Variants in SPMAP2L observed in about 807,000 individuals in gnomAD.
The protein encoded by SPMAP2L is sperm microtubule associated protein 2 like.
chr4:56,570,462 G>A, the SPMAP2L span, among the ~76,000 whole-genome samples: 5 of 152,196 alleles, frequency 3.3e-5, no homozygotes, highest in Admixed American at 3.3e-4. Context: ...TGTGCAGCGT[G>A]TTACAGAATA....
At chr4:56,548,093 A>T in the SPMAP2L span, among the ~76,000 whole-genome samples, 1 of 152,204 alleles carries the variant, frequency 6.6e-6, no homozygotes, top group African/African-American at 2.4e-5. Flanking sequence ...GACTTTTACC[A>T]GCAATGCACA....
At chr4:56,622,367 T>A in the SPMAP2L span, among the ~76,000 whole-genome samples, 10 of 152,214 alleles carry the variant, frequency 6.6e-5, no homozygotes, top group Non-Finnish European at 1.2e-4. Context: ...CTCGCACCCA[T>A]TGCCAAAATA....
the SPMAP2L span, chr4:56,601,110 G>T: frequency 6.5e-7 from 1 of 1,532,522 alleles, no homozygotes; most frequent in Non-Finnish European, 8.7e-7. Flanking sequence ...CAAATAAGAG[G>T]TATGTCAATT....
chr4:56,562,367 G>A, the SPMAP2L span, among the ~76,000 whole-genome samples: 3 of 150,288 alleles, frequency 2.0e-5, no homozygotes, highest in African/African-American at 7.3e-5. Flanking sequence ...AAAAAAAAAA[G>A]CAAAAGGAAT....
At chr4:56,603,144 G>T in the SPMAP2L span, 2 of 1,183,368 alleles carry the variant, frequency 1.7e-6, no homozygotes, top group Non-Finnish European at 2.4e-6. Flanking sequence ...GTGGATGCTT[G>T]AGAAACATTA....
chr4:56,551,675 C>T, the SPMAP2L span, among the ~76,000 whole-genome samples: 1 of 152,296 alleles, frequency 6.6e-6, no homozygotes, highest in South Asian at 2.1e-4. Context: ...CAAGGCCATA[C>T]ACAGTTGTAA....
At chr4:56,566,562 A>C in the SPMAP2L span, among the ~76,000 whole-genome samples, 1 of 151,980 alleles carries the variant, frequency 6.6e-6, no homozygotes, top group African/African-American at 2.4e-5. Flanking sequence ...TGGCCTATTC[A>C]CTATAACTTT....
the SPMAP2L span, among the ~76,000 whole-genome samples, chr4:56,574,396 G>A: frequency 6.6e-6 from 1 of 151,856 alleles, no homozygotes. Context: ...TTCAGCCTGG[G>A]CAATAGAGCA....
the SPMAP2L span, among the ~76,000 whole-genome samples, chr4:56,584,967 T>C: frequency 6.6e-6 from 1 of 152,176 alleles, no homozygotes; most frequent in Non-Finnish European, 1.5e-5. Context: ...GGAATATGTC[T>C]ATGATAGGGG....
At chr4:56,599,189 T>A in the SPMAP2L span, among the ~76,000 whole-genome samples, 1 of 151,916 alleles carries the variant, frequency 6.6e-6, no homozygotes, top group Non-Finnish European at 1.5e-5. Flanking sequence ...ATGTAATAAT[T>A]ATTATTATTT....
chr4:56,566,545 T>C, the SPMAP2L span, among the ~76,000 whole-genome samples: 1 of 152,060 alleles, frequency 6.6e-6, no homozygotes, highest in Non-Finnish European at 1.5e-5. Context: ...CAGTTTATCT[T>C]CTTTATTGGC....
At chr4:56,548,586 A>G in the SPMAP2L span, among the ~76,000 whole-genome samples, 1 of 152,010 alleles carries the variant, frequency 6.6e-6, no homozygotes, top group Non-Finnish European at 1.5e-5. Flanking sequence ...ATATTCTCTT[A>G]TTTCCTCTAA....
At chr4:56,570,799 T>C in the SPMAP2L span, among the ~76,000 whole-genome samples, 1 of 151,834 alleles carries the variant, frequency 6.6e-6, no homozygotes, top group Non-Finnish European at 1.5e-5. Flanking sequence ...AAATTTTTAT[T>C]ATTTATTTAT....
chr4:56,541,540 A>T, the SPMAP2L span, among the ~76,000 whole-genome samples: 6 of 152,090 alleles, frequency 3.9e-5, no homozygotes, highest in Non-Finnish European at 8.8e-5. Context: ...ATTTCTTAAC[A>T]TACACAAAAT....
chr4:56,621,337 A>C, the SPMAP2L span, among the ~76,000 whole-genome samples: 1 of 152,180 alleles, frequency 6.6e-6, no homozygotes, highest in African/African-American at 2.4e-5. Context: ...TGAATCTTGA[A>C]TTATGAGAGA....
At chr4:56,540,131 C>A in the SPMAP2L span, among the ~76,000 whole-genome samples, 16,150 of 152,244 alleles carry the variant, frequency 0.11, 950 homozygotes, top group East Asian at 0.2. Context: ...AATGTAATCT[C>A]ATTTTATCCT....
the SPMAP2L span, among the ~76,000 whole-genome samples, chr4:56,570,600 T>C: frequency 6.6e-6 from 1 of 152,148 alleles, no homozygotes; most frequent in Admixed American, 6.5e-5. Flanking sequence ...TCACTAAGAA[T>C]GGAGCTTGCA....
At chr4:56,548,254 T>G in the SPMAP2L span, among the ~76,000 whole-genome samples, 1 of 152,090 alleles carries the variant, frequency 6.6e-6, no homozygotes. Context: ...TTACCTTTCC[T>G]GTAGTGCTGA....
chr4:56,561,535 G>C, the SPMAP2L span, among the ~76,000 whole-genome samples: 1 of 152,004 alleles, frequency 6.6e-6, no homozygotes. Context: ...GGAAAACCAA[G>C]GGGCATCCTG....
Sources: allele counts gnomAD v4.1 joint callset (sites outside exome capture counted in the v4.1 genomes callset), GRCh38; gene constraint gnomAD v4.1.1; transcripts MANE v1.5; gene names NCBI Gene and HGNC (gene_info 2026-07-23, HGNC 2026-07-21).